Variants in LGI1 observed in about 807,000 individuals in gnomAD.
LGI1 encodes the protein leucine rich glioma inactivated 1, also known as leucine-rich glioma-inactivated protein 1.
In LGI1, 11 loss-of-function variants were observed where a neutral mutation model predicts 57.7. That is an observed-to-expected ratio of 0.19 (90% CI 0.12 to 0.32). The LOEUF is 0.32. Ranked by LOEUF, LGI1 falls within the 10% of genes least tolerant of loss-of-function variation. LGI1 has a pLI of 1.00. For synonymous variants in LGI1, 222 were observed against 241.9 expected, an observed-to-expected ratio of 0.92 and a Z score of 0.76; for missense variants, 422 against 661.9, an observed-to-expected ratio of 0.64 and a Z score of 3.98.
At chr10:93,764,942 T>C (rs2059659094) in intron 2 of LGI1, 1 of 152,246 alleles carries the variant, frequency 6.6e-6, no homozygotes, top group South Asian at 2.1e-4. Flanking sequence ...CTGAGAAATC[T>C]TTTCTTTAAA....
rs2059594141 is a variant in LGI1, at chr10:93,758,896, A to T, written c.287+65A>T. 8.2e-6 allele frequency: 9 copies of T among 1,092,904 alleles called. No homozygotes were observed. In the South Asian group the frequency reaches 1.2e-4, roughly 14 times the overall value. The allele number at this position is 1,092,904 out of a possible 1,614,324, so 67.7% of individuals were successfully genotyped here. ...TATATTTGGATAAGCCTTCTAGTAA[A>T]ATGATCTCAATATTAATTTTGTCAA... On this transcript the variant is annotated intron_variant, in intron 2 of 7. Transcript: ENST00000371418. This position sits in a 1 kb window ranked among gnomAD's most constrained non-coding sequence, Gnocchi z 4.7.
At chr10:93,795,431 G>A (rs531451109) in intron 7 of LGI1, among the ~76,000 whole-genome samples, 3 of 152,078 alleles carry the variant, frequency 2.0e-5, no homozygotes, top group African/African-American at 4.8e-5. Flanking sequence ...TAACAGACTC[G>A]CTCAAGCCCT....
intron 4 of LGI1, among the ~76,000 whole-genome samples, chr10:93,785,019 A>T (rs1033551968): frequency 6.6e-6 from 1 of 152,144 alleles, no homozygotes; most frequent in Non-Finnish European, 1.5e-5. Context: ...TAAAAAAATA[A>T]TTTTTGCACT....
chr10:93,766,275 C>G (rs534738055), intron 2 of LGI1, among the ~76,000 whole-genome samples: 2 of 152,120 alleles, frequency 1.3e-5, no homozygotes, highest in South Asian at 4.2e-4. Context: ...AAAATGTGAT[C>G]AAAAGGCAAT....
At chr10:93,765,888 T>A (rs965278831) in intron 2 of LGI1, among the ~76,000 whole-genome samples, 5 of 147,852 alleles carry the variant, frequency 3.4e-5, no homozygotes, top group Admixed American at 2.8e-4. Context: ...GAGAATGGCG[T>A]GAACCCAGGA....
intron 4 of LGI1, among the ~76,000 whole-genome samples, chr10:93,778,398 TACAC>T (rs1462450472): frequency 2.0e-5 from 3 of 149,882 alleles, no homozygotes; most frequent in African/African-American, 7.4e-5. Context: ...CACATGTGCA[TACAC>T]ACACACACTC....
intron 5 of LGI1, 68 bp from the exon 6 acceptor site, chr10:93,792,675 G>C: frequency 1.3e-6 from 2 of 1,486,944 alleles, no homozygotes; most frequent in Non-Finnish European, 1.9e-6. Flanking sequence ...GTTAATTGTT[G>C]ATGTAGAACT....
chr10:93,783,663 A>G (rs932421700), intron 4 of LGI1, among the ~76,000 whole-genome samples: 1 of 152,130 alleles, frequency 6.6e-6, no homozygotes, highest in African/African-American at 2.4e-5. Flanking sequence ...CTTTGCCTAG[A>G]TATGTACGCG....
intron 2 of LGI1, chr10:93,768,301 G>C (rs1381404913): frequency 6.6e-6 from 1 of 152,220 alleles, no homozygotes; most frequent in Non-Finnish European, 1.5e-5. Context: ...GGGGAAGTCG[G>C]GGAGGGAGAG....
chr10:93,772,494 C>G (rs2059751106), intron 2 of LGI1, among the ~76,000 whole-genome samples: 1 of 151,832 alleles, frequency 6.6e-6, no homozygotes, highest in Admixed American at 6.6e-5. Flanking sequence ...CATGATATAT[C>G]CATAATACAA....
At chr10:93,794,758 T>C (rs1452849440) in intron 7 of LGI1, 1 of 152,176 alleles carries the variant, frequency 6.6e-6, no homozygotes, top group African/African-American at 2.4e-5. Context: ...CTACAATTTT[T>C]AATATCAGTT....
At position 93,777,388 on chromosome 10, in the gene LGI1, A is replaced by G. The variant is rs777027658; in HGVS notation, c.297A>G (p.Thr99=). The G allele has an allele frequency of 1.2e-6, 2 of 1,614,002 alleles. No homozygotes were observed. Among genetic ancestry groups the G allele is most frequent in the Admixed American group, 1.7e-5 (1 of 60,000 alleles). The change falls in exon 3 of 8, where the codon ACA becomes ACG. Residue 99 remains threonine, a synonymous_variant. Transcript: ENST00000371418. ...TACTTTTTCTGGGCAGGTTATTCAC[A>G]TCGAACTCCTTTGATGTGATCAGTG... is the stretch of plus-strand genomic sequence containing the variant. The part of the protein sequence containing the change: ...FTPSLQLLLF[T]SNSFDVISDD...
At chr10:93,762,649 T>G (rs999887751) in intron 2 of LGI1, 1 of 152,198 alleles carries the variant, frequency 6.6e-6, no homozygotes, top group Non-Finnish European at 1.5e-5. Context: ...GATGCCCCCA[T>G]GATGGACCAA....
intron 2 of LGI1, among the ~76,000 whole-genome samples, chr10:93,760,716 C>T (rs746688278): frequency 2.6e-5 from 4 of 152,182 alleles, no homozygotes; most frequent in Non-Finnish European, 4.4e-5. Context: ...TGTGATTTCA[C>T]GTATTTAGAA....
chr10:93,795,745 G>T (rs1381540587), intron 7 of LGI1, among the ~76,000 whole-genome samples: 1 of 152,210 alleles, frequency 6.6e-6, no homozygotes, highest in African/African-American at 2.4e-5. Flanking sequence ...GAGCCAATCA[G>T]TATTGGTACA....
chr10:93,758,104 C>T lies in LGI1; in HGVS notation c.-41C>T. The T allele has an allele frequency of 6.4e-7, 1 of 1,568,226 alleles. No individual in the cohort carries two copies. Among genetic ancestry groups the T allele is most frequent in the Non-Finnish European group, 8.8e-7 (1 of 1,138,978 alleles). ...GAGCAAGACAATCACCATCTGAATT[C>T]CAGAAGCCCTGTTCATGGTTGGGGA... On this transcript the variant is annotated 5_prime_UTR_variant, in exon 1 of 8. Coordinates refer to ENST00000371418, the MANE Select transcript of LGI1 (RefSeq NM_005097.4). This position sits in a 1 kb window ranked among gnomAD's most constrained non-coding sequence, Gnocchi z 4.7.
chr10:93,777,260 G>T, intron 2 of LGI1, 119 bp from the exon 3 acceptor site: 2 of 837,222 alleles, frequency 2.4e-6, no homozygotes, highest in South Asian at 2.8e-5. Context: ...CACTGTAGCA[G>T]ACAGCCATGC....
chr10:93,774,686 C>T (rs1026484340), intron 2 of LGI1, among the ~76,000 whole-genome samples: 13 of 152,268 alleles, frequency 8.5e-5, no homozygotes, highest in African/African-American at 2.6e-4. Flanking sequence ...AGAGGTTGTG[C>T]AGTGTAGAAC....
chr10:93,758,866 T>C lies in LGI1; in HGVS notation c.287+35T>C. ...ATTTATATCATGACTATTTTTAATA[T>C]GGCATATATTTGGATAAGCCTTCTA... On this transcript the variant is annotated intron_variant, in intron 2 of 7. Coordinates refer to ENST00000371418, the MANE Select transcript of LGI1 (RefSeq NM_005097.4). The surrounding 1 kb of genome is among the most constrained non-coding windows in gnomAD (Gnocchi z 4.7). The C allele has an allele frequency of 2.1e-6, 3 of 1,403,062 alleles. No homozygotes were observed. Among genetic ancestry groups the C allele is most frequent in the South Asian group, 1.2e-5 (1 of 86,514 alleles). 86.9% of individuals were successfully genotyped at this position (1,403,062 alleles called of 1,614,324 possible).
Sources: allele counts gnomAD v4.1 joint callset (sites outside exome capture counted in the v4.1 genomes callset), GRCh38; gene constraint gnomAD v4.1.1; non-coding constraint Gnocchi (gnomAD v3.1); transcripts MANE v1.5; gene names NCBI Gene and HGNC (gene_info 2026-07-23, HGNC 2026-07-21).